The following MAGI1 variants were observed in gnomAD, a reference collection of about 807,000 sequenced individuals.
MAGI1 encodes membrane associated guanylate kinase, WW and PDZ domain containing 1, also known as membrane-associated guanylate kinase, WW and PDZ domain-containing protein 1.
In MAGI1, 58 loss-of-function variants were observed where a neutral mutation model predicts 139.9. The observed-to-expected ratio is 0.41, with a 90% CI of 0.34 to 0.52. The LOEUF is 0.52. Ranked by LOEUF, MAGI1 falls within the 20% of genes least tolerant of loss-of-function variation. MAGI1 has a pLI of 0.12. For missense variants in MAGI1, 1,874 were observed against 1,901.6 expected (o/e 0.99, Z 0.27); for synonymous variants, 812 against 737.9 (o/e 1.10, Z -1.63).
At chr3:65,543,478 A>G (rs899497131) in intron 2 of MAGI1, among the ~76,000 whole-genome samples, 1 of 152,224 alleles carries the variant, frequency 6.6e-6, no homozygotes, top group Admixed American at 6.5e-5. Context: ...ACTATTCACA[A>G]TAGCAAAGAC....
chr3:65,408,607 GC>G (rs916779962), intron 12 of MAGI1, among the ~76,000 whole-genome samples: 1 of 152,142 alleles, frequency 6.6e-6, no homozygotes. Context: ...AACATCAATG[GC>G]CGGCAACCCT....
intron 1 of MAGI1, among the ~76,000 whole-genome samples, chr3:65,922,853 C>G (rs1046622573): frequency 1.6e-4 from 25 of 152,308 alleles, no homozygotes; most frequent in African/African-American, 5.8e-4. Context: ...TGGCGTATTT[C>G]CTGCTCCTTC....
chr3:65,499,215 CAA>C (rs1397980630), intron 2 of MAGI1, among the ~76,000 whole-genome samples: 2 of 150,924 alleles, frequency 1.3e-5, no homozygotes, highest in East Asian at 3.9e-4. Flanking sequence ...TTGTAGCAAA[CAA>C]AACAAAAAAG....
At chr3:65,637,556 A>AAAAAG (rs1553684079) in intron 1 of MAGI1, among the ~76,000 whole-genome samples, 1 of 127,876 alleles carries the variant, frequency 7.8e-6, no homozygotes, top group Admixed American at 8.2e-5. Flanking sequence ...TGTCTCCAAA[A>AAAAAG]AAAGAAAGAA....
At chr3:65,447,947 A>G (rs532016718) in intron 7 of MAGI1, 75 bp downstream of exon 7, 12 of 1,505,702 alleles carry the variant, frequency 8.0e-6, no homozygotes, top group Non-Finnish European at 1.1e-5. Context: ...GGATTAAGCA[A>G]TTCACTGGGG....
At chr3:65,479,249 G>C (rs562472844) in intron 3 of MAGI1, among the ~76,000 whole-genome samples, 1 of 152,274 alleles carries the variant, frequency 6.6e-6, no homozygotes, top group East Asian at 1.9e-4. Flanking sequence ...CTCGTCAAGA[G>C]GGAACCAGGG....
chr3:65,397,082 A>G (rs1039941044), intron 13 of MAGI1, among the ~76,000 whole-genome samples: 4 of 152,178 alleles, frequency 2.6e-5, no homozygotes, highest in African/African-American at 9.6e-5. Context: ...GACTGAAGTG[A>G]TCCTATGCCT....
intron 1 of MAGI1, among the ~76,000 whole-genome samples, chr3:65,676,710 A>G (rs2087211278): frequency 6.6e-6 from 1 of 152,020 alleles, no homozygotes; most frequent in Admixed American, 6.6e-5. Flanking sequence ...CATTTTATCT[A>G]CCCCCTTCTT....
chr3:65,420,347 G>A (rs1013267285), intron 12 of MAGI1, among the ~76,000 whole-genome samples: 15 of 151,884 alleles, frequency 9.9e-5, no homozygotes, highest in Non-Finnish European at 1.5e-4. Flanking sequence ...TTCCTTCTCT[G>A]TGGTCACTCA....
In MAGI1 at chr3:65,378,646, G is replaced by A. The variant is rs560271512; in HGVS notation, c.2995+615C>T. ...CTGTAGACTCTGTATGCTGTCCAGG[G>A]GTTCCTATTCAAATTTCTTTTCTTT... On this transcript the variant is annotated intron_variant, in intron 17 of 22. Transcript: ENST00000402939. 2.0e-5 allele frequency among the ~76,000 whole-genome samples: 3 copies of A among 151,498 alleles called. No individual in the cohort carries two copies. In the South Asian group the frequency reaches 6.3e-4, roughly 32 times the overall value.
intron 5 of MAGI1, among the ~76,000 whole-genome samples, chr3:65,467,247 T>C (rs959604492): frequency 2.0e-5 from 3 of 152,256 alleles, no homozygotes; most frequent in African/African-American, 7.2e-5. Flanking sequence ...TTCTACTATT[T>C]CTTCAACTTC....
intron 3 of MAGI1, among the ~76,000 whole-genome samples, chr3:65,484,348 T>C (rs1378371939): frequency 6.6e-6 from 1 of 152,140 alleles, no homozygotes. Context: ...CTTCTTCCTA[T>C]GAGACAAGCT....
chr3:65,719,848 A>G (rs1163894905), intron 1 of MAGI1: 1 of 152,176 alleles, frequency 6.6e-6, no homozygotes, highest in Non-Finnish European at 1.5e-5. Flanking sequence ...CACCTGGCCC[A>G]TCTACTCAAC....
intron 1 of MAGI1, among the ~76,000 whole-genome samples, chr3:65,896,351 C>A (rs77659060): frequency 6.7e-6 from 1 of 150,366 alleles, no homozygotes; most frequent in African/African-American, 2.4e-5. Context: ...GGTTATCAAT[C>A]GAGGACAATT....
chr3:65,812,772 G>A (rs2041358347), intron 1 of MAGI1, among the ~76,000 whole-genome samples: 1 of 130,302 alleles, frequency 7.7e-6, no homozygotes, highest in African/African-American at 3.0e-5. Flanking sequence ...GTGCAATGGT[G>A]CAATCTCAGC....
intron 14 of MAGI1, among the ~76,000 whole-genome samples, chr3:65,385,527 G>C (rs1191951221): frequency 1.3e-5 from 2 of 152,166 alleles, no homozygotes; most frequent in Non-Finnish European, 2.9e-5. Flanking sequence ...TGGATGTTTA[G>C]ATTTTAGGTT....
chr3:65,702,657 G>A (rs76217213), intron 1 of MAGI1, among the ~76,000 whole-genome samples: 3,108 of 152,104 alleles, frequency 0.02, 99 homozygotes, highest in African/African-American at 0.07. Context: ...TTCTCTGAGA[G>A]GCCTTCCTTA....
intron 2 of MAGI1, among the ~76,000 whole-genome samples, chr3:65,616,949 T>C (rs141850893): frequency 8.5e-5 from 13 of 152,350 alleles, no homozygotes; most frequent in African/African-American, 3.1e-4. Flanking sequence ...GAAACAACTA[T>C]GTTTAAGAGA....
At chr3:65,739,056 C>T (rs1487346027) in intron 1 of MAGI1, among the ~76,000 whole-genome samples, 1 of 152,192 alleles carries the variant, frequency 6.6e-6, no homozygotes, top group East Asian at 1.9e-4. Context: ...AAGTCCTGGA[C>T]AACATATTCT....
Sources: gnomAD v4.1 joint callset for allele counts (sites outside exome capture counted in the v4.1 genomes callset) on GRCh38, gnomAD v4.1.1 for gene constraint, MANE v1.5 for transcripts, NCBI Gene and HGNC (gene_info 2026-07-23, HGNC 2026-07-21) for gene names.